CSMD1: variants seen among roughly 807,000 people sequenced by gnomAD.
CSMD1 encodes CUB and Sushi multiple domains 1.
Under a neutral mutation model 417.5 loss-of-function variants are expected in CSMD1, and 213 were observed. The observed-to-expected ratio is 0.51, with a 90% CI of 0.46 to 0.57. The LOEUF (loss-of-function observed/expected upper bound fraction) is 0.57, where lower values mean the gene tolerates loss of function less well. Among genes scored for constraint, CSMD1 ranks in the 20% least tolerant of loss-of-function variants. CSMD1 has a pLI of 0.00. For synonymous variants in CSMD1, 2,862 were observed against 1,736.8 expected, an observed-to-expected ratio of 1.65 and a Z score of -16.11; for missense variants, 6,923 against 4,529.7, an observed-to-expected ratio of 1.53 and a Z score of -15.17.
intron 57 of CSMD1, among the ~76,000 whole-genome samples, chr8:2,970,188 G>T (rs1018268866): frequency 2.6e-5 from 4 of 152,170 alleles, no homozygotes; most frequent in Non-Finnish European, 4.4e-5. Flanking sequence ...TGTGTACTTT[G>T]CTGGACTAGA....
chr8:4,088,123 G>A lies in CSMD1; in HGVS notation c.416-56024C>T, dbSNP rs1800516581. ...GAAAGAGGAAGGATAGCTGCAGTGGGGCTGTGAGGAGGACACTGCCCATTC... is the reference window on the plus strand; with the variant it reads ...GAAAGAGGAAGGATAGCTGCAGTGGAGCTGTGAGGAGGACACTGCCCATTC... On this transcript the variant is annotated intron_variant, in intron 3 of 69. Coordinates refer to ENST00000635120, the MANE Select transcript of CSMD1 (RefSeq NM_033225.6). 2.6e-5 allele frequency among the ~76,000 whole-genome samples: 4 copies of A among 152,206 alleles called. No homozygotes were observed. The South Asian group carries it at 6.2e-4, about 24-fold the overall frequency.
intron 3 of CSMD1, among the ~76,000 whole-genome samples, chr8:4,110,752 G>A (rs1477493684): frequency 6.6e-6 from 1 of 151,970 alleles, no homozygotes. Flanking sequence ...AGAGGTTCAT[G>A]AACTCAGATT....
intron 5 of CSMD1, among the ~76,000 whole-genome samples, chr8:3,886,852 C>T (rs185435577): frequency 1.8e-4 from 27 of 152,234 alleles, no homozygotes; most frequent in Non-Finnish European, 3.2e-4. Context: ...AAACTTTCTG[C>T]CCTCAATGGC....
intron 2 of CSMD1, among the ~76,000 whole-genome samples, chr8:4,463,162 A>C (rs35515989): frequency 3.3e-5 from 5 of 152,154 alleles, no homozygotes; most frequent in African/African-American, 1.2e-4. Context: ...AAGATACACA[A>C]ATGGCCAAGA....
intron 40 of CSMD1, among the ~76,000 whole-genome samples, chr8:3,145,756 T>A (rs1275117989): frequency 6.6e-6 from 1 of 152,244 alleles, no homozygotes; most frequent in Non-Finnish European, 1.5e-5. Flanking sequence ...TGGTTATCCT[T>A]CTATTGTCTC....
intron 17 of CSMD1, 114 bp from the exon 18 acceptor site, chr8:3,387,796 T>G (rs2116812742): frequency 1.2e-6 from 1 of 840,792 alleles, no homozygotes; most frequent in Non-Finnish European, 1.8e-6. Context: ...CCTGAAACAT[T>G]ATGCAAGTGA....
chr8:4,178,923 A>G (rs1302607099), intron 3 of CSMD1, among the ~76,000 whole-genome samples: 1 of 152,166 alleles, frequency 6.6e-6, no homozygotes. Flanking sequence ...CAATGAAATA[A>G]GAGAAGATAC....
intron 20 of CSMD1, among the ~76,000 whole-genome samples, 159 bp from the exon 21 acceptor site, chr8:3,359,499 G>A (rs1338045880): frequency 7.2e-6 from 1 of 138,180 alleles, no homozygotes; most frequent in Non-Finnish European, 1.5e-5. Flanking sequence ...TTTTTTTCTT[G>A]TACTATGAAC....
At chr8:4,804,437 C>G (rs1798476524) in intron 1 of CSMD1, among the ~76,000 whole-genome samples, 1 of 151,288 alleles carries the variant, frequency 6.6e-6, no homozygotes, top group African/African-American at 2.4e-5. Flanking sequence ...AATTGCCAGT[C>G]ATATACAGAC....
chr8:4,424,985 C>G (rs1797462613), intron 2 of CSMD1, among the ~76,000 whole-genome samples: 1 of 151,808 alleles, frequency 6.6e-6, no homozygotes, highest in African/African-American at 2.4e-5. Context: ...ATCTAGTAAC[C>G]AAAATAATGC....
intron 23 of CSMD1, among the ~76,000 whole-genome samples, chr8:3,319,603 A>G (rs1806013754): frequency 6.6e-6 from 1 of 152,242 alleles, no homozygotes; most frequent in South Asian, 2.1e-4. Flanking sequence ...ATAACTTTTA[A>G]AAAGAAACAT....
At chr8:4,347,026 T>G (rs1800813576) in intron 3 of CSMD1, among the ~76,000 whole-genome samples, 1 of 152,154 alleles carries the variant, frequency 6.6e-6, no homozygotes, top group Non-Finnish European at 1.5e-5. Flanking sequence ...AAGTTTTCAT[T>G]TTATTATTTC....
chr8:4,872,927 T>C (rs1726470099), intron 1 of CSMD1, among the ~76,000 whole-genome samples: 1 of 152,038 alleles, frequency 6.6e-6, no homozygotes, highest in South Asian at 2.1e-4. Flanking sequence ...ATATGTTTTA[T>C]TTTATTTCCA....
At chr8:3,782,092 A>C (rs918183356) in intron 5 of CSMD1, among the ~76,000 whole-genome samples, 1 of 152,152 alleles carries the variant, frequency 6.6e-6, no homozygotes, top group African/African-American at 2.4e-5. Context: ...ATAAACAATA[A>C]AATTTGAGAG....
chr8:3,455,960 C>A (rs532662373), intron 12 of CSMD1, among the ~76,000 whole-genome samples: 1 of 152,122 alleles, frequency 6.6e-6, no homozygotes, highest in Non-Finnish European at 1.5e-5. Context: ...GGGCTCCACC[C>A]AGTTCGAGCT....
chr8:3,653,667 T>C (rs1298459572), intron 7 of CSMD1, among the ~76,000 whole-genome samples: 1 of 152,124 alleles, frequency 6.6e-6, no homozygotes, highest in Non-Finnish European at 1.5e-5. Context: ...AAGGGCCAGC[T>C]TTTTACAGCC....
chr8:3,986,327 G>A (rs1814317958), intron 5 of CSMD1, among the ~76,000 whole-genome samples: 1 of 152,010 alleles, frequency 6.6e-6, no homozygotes, highest in African/African-American at 2.4e-5. Context: ...ACCCTTCTAG[G>A]GTGTTCATTG....
chr8:3,839,833 G>A (rs897692506), intron 5 of CSMD1, among the ~76,000 whole-genome samples: 1 of 151,678 alleles, frequency 6.6e-6, no homozygotes, highest in African/African-American at 2.4e-5. Flanking sequence ...CAGCTAAATG[G>A]AGGGAACATT....
At chr8:4,168,105 G>A (rs1490867695) in intron 3 of CSMD1, among the ~76,000 whole-genome samples, 8 of 150,574 alleles carry the variant, frequency 5.3e-5, no homozygotes, top group Admixed American at 6.6e-5. Flanking sequence ...CTCCAGCTTG[G>A]GAAAGAGAGC....
Sources: gnomAD v4.1 joint callset for allele counts (sites outside exome capture counted in the v4.1 genomes callset) on GRCh38, gnomAD v4.1.1 for gene constraint, MANE v1.5 for transcripts, NCBI Gene and HGNC (gene_info 2026-07-23, HGNC 2026-07-21) for gene names.